PRRC2B: variants seen among roughly 807,000 people sequenced by gnomAD.
PRRC2B encodes protein PRRC2B.
In PRRC2B, 68 loss-of-function variants were observed where a neutral mutation model predicts 242.3. The observed-to-expected ratio is 0.28, with a 90% CI of 0.23 to 0.34. The LOEUF is 0.34. Ranked by LOEUF, PRRC2B falls within the 10% of genes least tolerant of loss-of-function variation. PRRC2B has a pLI of 1.00. For synonymous variants in PRRC2B, 1,228 were observed against 1,173.6 expected (o/e 1.05, Z -0.95); for missense variants, 2,835 against 2,954.8 (o/e 0.96, Z 0.94).
chr9:131,442,616 C>T (rs17536413), intron 5 of PRRC2B, among the ~76,000 whole-genome samples: 9,239 of 152,208 alleles, frequency 0.061, 356 homozygotes, highest in Admixed American at 0.12. Context: ...CCGGCACAGT[C>T]GGCTTTAGTG....
intron 13 of PRRC2B, 29 bp from the exon 14 acceptor site, chr9:131,470,759 T>C (rs2131436340): frequency 6.3e-7 from 1 of 1,599,978 alleles, no homozygotes. Flanking sequence ...CGCACCAGCC[T>C]GACCAAGTCT....
chr9:131,406,274 G>A (rs1032416633), intron 1 of PRRC2B, among the ~76,000 whole-genome samples: 10 of 152,152 alleles, frequency 6.6e-5, no homozygotes, highest in African/African-American at 2.2e-4. Context: ...CCTCCCATGG[G>A]CAGGTGCATC....
intron 1 of PRRC2B, among the ~76,000 whole-genome samples, chr9:131,379,534 T>A (rs899217235): frequency 6.6e-6 from 1 of 152,130 alleles, no homozygotes; most frequent in African/African-American, 2.4e-5. Flanking sequence ...TGCATTTCCC[T>A]GCTGGCTGGT....
intron 28 of PRRC2B, chr9:131,490,897 C>A: frequency 6.3e-6 from 2 of 315,096 alleles, no homozygotes; most frequent in Admixed American, 4.0e-5. Flanking sequence ...CCTTGCCCAC[C>A]CCGCCCCGTG....
Position 131,484,720 on chromosome 9 carries a change from G to C in PRRC2B, c.5495G>C (p.Arg1832Pro), listed in dbSNP as rs779346678. ...GLTQSIPILR[R>P]DHHIQRAIGL... is the part of the protein sequence containing the mutation. ...ACACAGAGTATCCCCATCCTGCGGC[G>C]GGACCATCACATCCAGAGGGCCATC... Residue 1832 changes from arginine (R) to proline (P), a missense_variant, in exon 24 of 32, where the codon CGG becomes CCG. By Grantham distance (103) the Arg-to-Pro change is moderately radical. Transcript: ENST00000683519. The C allele has an allele frequency of 3.7e-6, 6 of 1,612,548 alleles. No individual in the cohort carries two copies. The highest frequency in any genetic ancestry group is 8.5e-7 in the Non-Finnish European group (1 of 1,179,254).
intron 1 of PRRC2B, among the ~76,000 whole-genome samples, chr9:131,401,497 A>G (rs989390893): frequency 6.7e-6 from 1 of 148,158 alleles, no homozygotes; most frequent in Non-Finnish European, 1.5e-5. Flanking sequence ...TTACAGGCAC[A>G]CGCCACCACA....
At chr9:131,377,196 C>A (rs1330513640) in intron 1 of PRRC2B, among the ~76,000 whole-genome samples, 1 of 152,080 alleles carries the variant, frequency 6.6e-6, no homozygotes, top group Non-Finnish European at 1.5e-5. Flanking sequence ...CTCACTGCAA[C>A]CTCCGCCTCC....
chr9:131,460,746 C>T (rs997892234), intron 11 of PRRC2B, among the ~76,000 whole-genome samples: 3 of 152,174 alleles, frequency 2.0e-5, no homozygotes, highest in African/African-American at 7.2e-5. Flanking sequence ...TCCTTTTTCC[C>T]TGTTCTCCAT....
chr9:131,424,531 C>T (rs780521513), intron 1 of PRRC2B, among the ~76,000 whole-genome samples: 4 of 151,802 alleles, frequency 2.6e-5, no homozygotes, highest in Non-Finnish European at 4.4e-5. Flanking sequence ...TACTAAAATA[C>T]GAAAATTAGC....
At chr9:131,413,330 A>G (rs900371911) in intron 1 of PRRC2B, among the ~76,000 whole-genome samples, 3 of 152,300 alleles carry the variant, frequency 2.0e-5, no homozygotes, top group Non-Finnish European at 4.4e-5. Context: ...GTTCCAGCCA[A>G]TGGAAACTGA....
chr9:131,447,233 G>A (rs1164255346), intron 8 of PRRC2B, 27 bp downstream of exon 8: 1 of 1,613,498 alleles, frequency 6.2e-7, no homozygotes, highest in African/African-American at 1.3e-5. Flanking sequence ...ACAGTCACGT[G>A]TGTAGAGATG....
intron 1 of PRRC2B, among the ~76,000 whole-genome samples, chr9:131,419,668 C>G (rs1837746271): frequency 6.6e-6 from 1 of 152,158 alleles, no homozygotes; most frequent in Admixed American, 6.5e-5. Flanking sequence ...TTGTTTATTC[C>G]TTACAGCAGA....
chr9:131,491,574 CAG>C lies in PRRC2B; in HGVS notation c.6380_6381del (p.Glu2127AlafsTer15). ...CCCAGCCGCCAGTCCTGAACACCAG[CAG>C]AGAGGTAAGGGGACCCCATCTGCCT... is the stretch of plus-strand genomic sequence containing the variant. ...GSQPPVLNTS[R>X]EPSQMEMKGF... On this transcript the variant is annotated frameshift_variant, in exon 29 of 32. Transcript: ENST00000683519. LOFTEE classifies it high-confidence loss of function. 1 of 1,610,046 alleles carries C rather than the reference CAG, an allele frequency of 6.2e-7. No individual in the cohort carries two copies. The highest frequency in any genetic ancestry group is 8.5e-7 in the Non-Finnish European group (1 of 1,178,492).
intron 12 of PRRC2B, 108 bp downstream of exon 12, chr9:131,465,186 C>G (rs893704121): frequency 2.8e-6 from 3 of 1,090,738 alleles, no homozygotes; most frequent in Middle Eastern, 2.1e-4. Context: ...TGGCTTACAA[C>G]GAGATCGTAT....
At chr9:131,421,268 C>G (rs918514306) in intron 1 of PRRC2B, among the ~76,000 whole-genome samples, 1 of 152,194 alleles carries the variant, frequency 6.6e-6, no homozygotes, top group Non-Finnish European at 1.5e-5. Context: ...ACACATTGGT[C>G]AGTAAACGTT....
chr9:131,438,348 G>C (rs1838442512), intron 4 of PRRC2B, among the ~76,000 whole-genome samples: 1 of 152,100 alleles, frequency 6.6e-6, no homozygotes, highest in South Asian at 2.1e-4. Context: ...AGCCTCAGTG[G>C]GGGATGTGAC....
upstream of PRRC2B, among the ~76,000 whole-genome samples, chr9:131,391,639 G>T (rs564563923): frequency 3.9e-5 from 6 of 152,238 alleles, no homozygotes; most frequent in East Asian, 3.9e-4. Flanking sequence ...TGTTTTATGG[G>T]TATGTCGTGA....
intron 4 of PRRC2B, among the ~76,000 whole-genome samples, chr9:131,438,370 C>G (rs1564284087): frequency 6.6e-6 from 1 of 152,116 alleles, no homozygotes; most frequent in African/African-American, 2.4e-5. Flanking sequence ...AGAGCCTTCT[C>G]AGGGGGTGGT....
Position 131,399,307 on chromosome 9 carries a change from C to T in PRRC2B, c.-52+5044C>T, listed in dbSNP as rs527280368. 8.3e-5 allele frequency among the ~76,000 whole-genome samples: 12 copies of T among 145,044 alleles called. 1 individual carries two copies. The East Asian group carries it at 2.1e-3, about 25-fold the overall frequency. ...AAAAAAAAAAAAAAAAGTCTGGGCA[C>T]GGTGGCTCACACCTATAATCCCAGC... On this transcript the variant is annotated intron_variant, in intron 1 of 31. Transcript: ENST00000683519.
Sources: gnomAD v4.1 joint callset for allele counts (sites outside exome capture counted in the v4.1 genomes callset) on GRCh38, gnomAD v4.1.1 for gene constraint, MANE v1.5 for transcripts, NCBI Gene and HGNC (gene_info 2026-07-23, HGNC 2026-07-21) for gene names.